ALDH1A3: variants seen among roughly 807,000 people sequenced by gnomAD.
ALDH1A3 encodes aldehyde dehydrogenase 1 family member A3.
In ALDH1A3, 28 loss-of-function variants were observed where a neutral mutation model predicts 57.5. The ratio of observed to expected loss-of-function variants is 0.49; its 90% confidence interval spans 0.36 to 0.67. The LOEUF (loss-of-function observed/expected upper bound fraction) is 0.67. Among genes scored for constraint, ALDH1A3 ranks in the 30% least tolerant of loss-of-function variants. The pLI is 0.00. For synonymous variants in ALDH1A3, 281 were observed against 264.8 expected (o/e 1.06, Z -0.59); for missense variants, 507 against 669.4 (o/e 0.76, Z 2.68).
chr15:100,885,117 G>A (rs1312232605), intron 1 of ALDH1A3, 150 bp from the exon 2 acceptor site: 3 of 611,252 alleles, frequency 4.9e-6, no homozygotes, highest in South Asian at 1.9e-5. Flanking sequence ...GTTCCCCTCC[G>A]GGTCTCATCT....
intron 12 of ALDH1A3, among the ~76,000 whole-genome samples, chr15:100,912,251 A>C (rs2041888908): frequency 6.6e-6 from 1 of 152,216 alleles, no homozygotes; most frequent in Non-Finnish European, 1.5e-5. Flanking sequence ...CACATGAAAA[A>C]TGGGCTCACC....
chr15:100,908,104 C>G (rs2041843666), intron 11 of ALDH1A3, among the ~76,000 whole-genome samples: 1 of 152,138 alleles, frequency 6.6e-6, no homozygotes, highest in Non-Finnish European at 1.5e-5. Context: ...CCATCTCAGC[C>G]TCCCGAAGTG....
At chr15:100,911,161 A>G (rs2041879018) in intron 12 of ALDH1A3, among the ~76,000 whole-genome samples, 1 of 152,248 alleles carries the variant, frequency 6.6e-6, no homozygotes, top group Non-Finnish European at 1.5e-5. Flanking sequence ...CTGGAAAACC[A>G]ATTTCTGTCT....
rs866301753 is a variant in ALDH1A3, at chr15:100,889,497, G to A, written c.345+1785G>A. Among the ~76,000 whole-genome samples, 1 of 152,168 alleles carries A rather than the reference G, an allele frequency of 6.6e-6. No homozygotes were observed. The highest frequency in any genetic ancestry group is 2.4e-5 in the African/African-American group (1 of 41,446). ...GGAGCCTCTGGTTTCTTCCTGCAAC[G>A]TAAGCCAGCGTCAACCCTCAAGCTG... is the stretch of plus-strand genomic sequence containing the variant. On this transcript the variant is annotated intron_variant, in intron 3 of 12. Coordinates refer to ENST00000329841, the MANE Select transcript of ALDH1A3 (RefSeq NM_000693.4). This position sits in a 1 kb window ranked among gnomAD's most constrained non-coding sequence, Gnocchi z 5.1.
rs143921917 is a variant in ALDH1A3 at position 100,906,144 on chromosome 15, A to G, written c.1233+457A>G. Among the ~76,000 whole-genome samples, 348 of 152,324 alleles carry G rather than the reference A, an allele frequency of 2.3e-3. 2 individuals are homozygous for G. The highest frequency in any genetic ancestry group is 7.8e-3 in the African/African-American group (323 of 41,574). On this transcript the variant is annotated intron_variant, in intron 10 of 12. Coordinates refer to ENST00000329841, the MANE Select transcript of ALDH1A3 (RefSeq NM_000693.4). This position sits in a 1 kb window ranked among gnomAD's most constrained non-coding sequence, Gnocchi z 4.8. ...AATTTCAAGTGTTCACTCAAGGAAC[A>G]TGTCACAGCTGGAATTTTTATTGAC...
Position 100,889,716 on chromosome 15 carries a change from T to C in ALDH1A3, c.345+2004T>C, listed in dbSNP as rs2041630456. Among the ~76,000 whole-genome samples, 1 of 152,166 alleles carries C rather than the reference T, an allele frequency of 6.6e-6. No individual in the cohort carries two copies. Among genetic ancestry groups the C allele is most frequent in the Admixed American group, 6.5e-5 (1 of 15,284 alleles). The stretch of plus-strand genomic sequence containing the variant: ...CCACCTTCATCTTCAGGCTGCCCCA[T>C]TGTCCTGGCACGACTGTGTTTTGAT... On this transcript the variant is annotated intron_variant, in intron 3 of 12. Coordinates refer to ENST00000329841, the MANE Select transcript of ALDH1A3 (RefSeq NM_000693.4). The surrounding 1 kb of genome is among the most constrained non-coding windows in gnomAD (Gnocchi z 5.1).
intron 9 of ALDH1A3, 116 bp downstream of exon 9, chr15:100,900,875 C>T: frequency 3.5e-6 from 4 of 1,152,760 alleles, no homozygotes; most frequent in Non-Finnish European, 4.8e-6. Context: ...CCTGTCCTGC[C>T]CAGGAGGCTT....
Position 100,893,833 on chromosome 15 carries a change from C to T in ALDH1A3, c.538-121C>T, listed in dbSNP as rs1454930020. ...CTGATCATTGCACACTCCTATGTTA[C>T]CCCACATACCCCAAATCCAGACCAT... On this transcript the variant is annotated intron_variant, in intron 5 of 12. Transcript: ENST00000329841. The surrounding 1 kb of genome is among the most constrained non-coding windows in gnomAD (Gnocchi z 4.8). 3 of 1,381,136 alleles carry T rather than the reference C, an allele frequency of 2.2e-6. No homozygotes were observed. Among genetic ancestry groups the T allele is most frequent in the Non-Finnish European group, 2.0e-6 (2 of 1,017,312 alleles). The allele number at this position is 1,381,136 out of a possible 1,614,324, so 85.6% of individuals were successfully genotyped here. A position where few individuals can be genotyped will look rare whatever the true frequency, so the allele number is the denominator to read the frequency against.
Position 100,908,486 on chromosome 15 carries a change from A to G in ALDH1A3, c.1466+4A>G. 1.9e-6 allele frequency: 3 copies of G among 1,609,984 alleles called. No individual in the cohort carries two copies. The highest frequency in any genetic ancestry group is 2.6e-6 in the Non-Finnish European group (3 of 1,176,248). On this transcript the variant is annotated splice_donor_region_variant and intron_variant, in intron 12 of 12. Transcript: ENST00000329841. ...TGTCAGGAAATGGCAGAGAACTGTA[A>G]GTGTTTCCATCATTCTGAGCCTGCC...
chr15:100,883,738 A>T (rs1025846908), intron 1 of ALDH1A3, among the ~76,000 whole-genome samples: 1 of 151,864 alleles, frequency 6.6e-6, no homozygotes, highest in Non-Finnish European at 1.5e-5. Context: ...AACATGTGCC[A>T]TGGTGGTTTG....
rs14226 is a variant in ALDH1A3 at position 100,916,112 on chromosome 15, G to A, written c.*1339G>A. ...GAGGGCAATAATAAAATGAGGGCCC[G>A]TAACAGAACCAGTGTGTGTATAACG... On this transcript the variant is annotated 3_prime_UTR_variant, in exon 13 of 13. Coordinates refer to ENST00000329841, the MANE Select transcript of ALDH1A3 (RefSeq NM_000693.4). 0.17 allele frequency: 26,018 copies of A among 152,146 alleles called. 2,717 individuals are homozygous for A. The highest frequency in any genetic ancestry group is 0.44 in the East Asian group (2,300 of 5,180). 9.4% of individuals were successfully genotyped at this position (152,146 alleles called of 1,614,324 possible). A position where few individuals can be genotyped will look rare whatever the true frequency, so the allele number is the denominator to read the frequency against.
rs932392120 is a variant in ALDH1A3, at chr15:100,908,626, G to A, written c.1466+144G>A. On this transcript the variant is annotated intron_variant, in intron 12 of 12. Coordinates refer to ENST00000329841, the MANE Select transcript of ALDH1A3 (RefSeq NM_000693.4). ...TCTGGGCCAGCTGTGTCCCTCTAGG[G>A]TTGGTGGGGACCCATCCCTTCCTCT... 90 of 722,296 alleles carry A rather than the reference G, an allele frequency of 1.2e-4. No homozygotes were observed. The Admixed American group carries it at 2.2e-3, about 18-fold the overall frequency. The allele number at this position is 722,296 out of a possible 1,614,324, so 44.7% of individuals were successfully genotyped here. A position where few individuals can be genotyped will look rare whatever the true frequency, so the allele number is the denominator to read the frequency against.
At chr15:100,885,506 C>T in intron 2 of ALDH1A3, 135 bp downstream of exon 2, 1 of 630,800 alleles carries the variant, frequency 1.6e-6, no homozygotes, top group Non-Finnish European at 2.8e-6. Flanking sequence ...CGTGAATTGG[C>T]ATGTGGTTCT....
At chr15:100,892,009 C>G (rs950579630) in intron 3 of ALDH1A3, 1 of 161,690 alleles carries the variant, frequency 6.2e-6, no homozygotes, top group Non-Finnish European at 1.4e-5. Flanking sequence ...CACAGCCACA[C>G]TGGCCAGCCT....
intron 8 of ALDH1A3, among the ~76,000 whole-genome samples, chr15:100,898,945 T>C (rs572092570): frequency 6.6e-6 from 1 of 152,302 alleles, no homozygotes; most frequent in South Asian, 2.1e-4. Flanking sequence ...CCTTAAAGAA[T>C]AGCCTCCCAG....
intron 12 of ALDH1A3, among the ~76,000 whole-genome samples, chr15:100,912,313 C>A (rs1426045818): frequency 2.0e-5 from 3 of 152,184 alleles, no homozygotes; most frequent in Non-Finnish European, 2.9e-5. Context: ...ACCATTTTCA[C>A]ACTTATTGGT....
rs572768059 is a variant in ALDH1A3 at position 100,914,628 on chromosome 15, G to A, written c.1467-73G>A. On this transcript the variant is annotated intron_variant, in intron 12 of 12. Transcript: ENST00000329841. ...TCCAACGGCCTGATGGAATGATGAA[G>A]CCTCAGAACAGTTTCTACACAATGG... 192 of 1,418,822 alleles carry A rather than the reference G, an allele frequency of 1.4e-4. No individual in the cohort carries two copies. In the African/African-American group the frequency reaches 2.5e-3, roughly 18 times the overall value. The allele number at this position is 1,418,822 out of a possible 1,614,324, so 87.9% of individuals were successfully genotyped here. A position where few individuals can be genotyped will look rare whatever the true frequency, so the allele number is the denominator to read the frequency against.
chr15:100,902,712 C>G (rs2141565747), intron 9 of ALDH1A3, among the ~76,000 whole-genome samples: 1 of 152,348 alleles, frequency 6.6e-6, no homozygotes, highest in South Asian at 2.1e-4. Context: ...CATCTCACTT[C>G]CTGGCAGGTC....
chr15:100,885,730 T>C (rs1596205491), intron 2 of ALDH1A3, among the ~76,000 whole-genome samples: 1 of 151,596 alleles, frequency 6.6e-6, no homozygotes, highest in Non-Finnish European at 1.5e-5. Context: ...TTCCCGCTGG[T>C]GTGTTTCACG....
Sources: gnomAD v4.1 joint callset for allele counts (sites outside exome capture counted in the v4.1 genomes callset) on GRCh38, gnomAD v4.1.1 for gene constraint, Gnocchi (gnomAD v3.1) non-coding constraint, MANE v1.5 for transcripts, NCBI Gene and HGNC (gene_info 2026-07-23, HGNC 2026-07-21) for gene names.